Variants in STRN observed in about 807,000 individuals in gnomAD.
STRN encodes striatin, also known as protein phosphatase 2 regulatory subunit B'''alpha.
A neutral mutation model predicts 96.3 loss-of-function variants in STRN; 53 were observed. That is an observed-to-expected ratio of 0.55 (90% CI 0.44 to 0.69). STRN has a LOEUF of 0.69. Among genes scored for constraint, STRN ranks in the 30% least tolerant of loss-of-function variants. STRN has a pLI of 0.00. For missense variants in STRN, 987 were observed against 963.9 expected, an observed-to-expected ratio of 1.02 and a Z score of -0.32; for synonymous variants, 428 against 355.9, an observed-to-expected ratio of 1.20 and a Z score of -2.28.
chr2:36,927,506 A>G (rs1344374041), intron 1 of STRN, among the ~76,000 whole-genome samples: 3 of 123,416 alleles, frequency 2.4e-5, no homozygotes, highest in Non-Finnish European at 3.3e-5. Context: ...GAGACCCTAT[A>G]TCAAAAAAAC....
chr2:36,875,246 A>C (rs978676344), intron 10 of STRN, among the ~76,000 whole-genome samples: 1 of 152,196 alleles, frequency 6.6e-6, no homozygotes, highest in African/African-American at 2.4e-5. Context: ...ACGATGGCTC[A>C]TGCCTGTAAT....
rs141142091 is a variant in STRN at position 36,919,215 on chromosome 2, G to A, written c.339-3064C>T. Among the ~76,000 whole-genome samples, 296 of 152,256 alleles carry A rather than the reference G, an allele frequency of 1.9e-3. 4 individuals are homozygous for A. Among genetic ancestry groups the A allele is most frequent in the African/African-American group, 6.7e-3 (277 of 41,542 alleles). Reference sequence around the variant, plus strand: ...CTACAGCTTGTAGTTAGGTAAGGGTGGAAGGTGAGGGTATGCGTAAGAGAC... The same window carrying A: ...CTACAGCTTGTAGTTAGGTAAGGGTAGAAGGTGAGGGTATGCGTAAGAGAC... On this transcript the variant is annotated intron_variant, in intron 2 of 17. Coordinates refer to ENST00000263918, the MANE Select transcript of STRN (RefSeq NM_003162.4).
At chr2:36,944,560 C>T (rs1670931783) in intron 1 of STRN, among the ~76,000 whole-genome samples, 1 of 152,122 alleles carries the variant, frequency 6.6e-6, no homozygotes, top group African/African-American at 2.4e-5. Context: ...ATTTAACTTA[C>T]AAGTATAGAT....
At chr2:36,889,578 T>C (rs1237567049) in intron 7 of STRN, among the ~76,000 whole-genome samples, 1 of 123,374 alleles carries the variant, frequency 8.1e-6, no homozygotes, top group Non-Finnish European at 1.6e-5. Flanking sequence ...CTTGCCAGAA[T>C]CTAACCAGAT....
Position 36,906,868 on chromosome 2 carries a change from C to T in STRN, c.413-1250G>A, listed in dbSNP as rs562218792. Among the ~76,000 whole-genome samples, 19 of 151,930 alleles carry T rather than the reference C, an allele frequency of 1.3e-4. No individual in the cohort carries two copies. The East Asian group carries it at 2.3e-3, about 18-fold the overall frequency. ...CCCAAGAAGCGGAGGTTGCAGTGAG[C>T]CGAGATGATTGCGCCATTGCACTCC... On this transcript the variant is annotated intron_variant, in intron 3 of 17. Coordinates refer to ENST00000263918, the MANE Select transcript of STRN (RefSeq NM_003162.4).
chr2:36,893,322 C>T (rs1040728184), intron 7 of STRN, among the ~76,000 whole-genome samples: 1 of 151,848 alleles, frequency 6.6e-6, no homozygotes, highest in Non-Finnish European at 1.5e-5. Context: ...GTACTTTTAA[C>T]GATTTATGCA....
At chr2:36,897,513 G>A (rs938414502) in intron 6 of STRN, among the ~76,000 whole-genome samples, 6 of 151,570 alleles carry the variant, frequency 4.0e-5, no homozygotes, top group African/African-American at 7.3e-5. Flanking sequence ...TCAGCTCACT[G>A]CAAGCTCTGC....
At chr2:36,893,012 T>G (rs1009422897) in intron 7 of STRN, among the ~76,000 whole-genome samples, 2 of 151,334 alleles carry the variant, frequency 1.3e-5, no homozygotes, top group East Asian at 1.9e-4. Context: ...AGAGTGAGAC[T>G]CGGTATCAAA....
At chr2:36,864,003 T>C (rs1668560317) in intron 12 of STRN, among the ~76,000 whole-genome samples, 1 of 152,248 alleles carries the variant, frequency 6.6e-6, no homozygotes, top group African/African-American at 2.4e-5. Flanking sequence ...CATACATTGA[T>C]TTTATATCCA....
At chr2:36,930,716 G>A (rs928584741) in intron 1 of STRN, among the ~76,000 whole-genome samples, 1 of 151,986 alleles carries the variant, frequency 6.6e-6, no homozygotes, top group African/African-American at 2.4e-5. Context: ...GCAGGAAACA[G>A]TCTGTTAAGG....
chr2:36,910,173 CA>C (rs146718686), intron 3 of STRN, among the ~76,000 whole-genome samples: 1,640 of 112,828 alleles, frequency 0.015, 15 homozygotes, highest in African/African-American at 0.05. Flanking sequence ...GACTTTGTCT[CA>C]AAAAAAAAAA....
At chr2:36,904,458 G>C (rs1572662909) in intron 4 of STRN, among the ~76,000 whole-genome samples, 1 of 152,248 alleles carries the variant, frequency 6.6e-6, no homozygotes, top group African/African-American at 2.4e-5. Context: ...GGTGAGTCTA[G>C]TCTACCTCTT....
At position 36,953,926 on chromosome 2, in the gene STRN, T is replaced by G. The variant is rs1304574329; in HGVS notation, c.234+12304A>C. Among the ~76,000 whole-genome samples, 4 of 151,924 alleles carry G rather than the reference T, an allele frequency of 2.6e-5. No individual in the cohort carries two copies. In the East Asian group the frequency reaches 7.8e-4, roughly 30 times the overall value. On this transcript the variant is annotated intron_variant, in intron 1 of 17. Coordinates refer to ENST00000263918, the MANE Select transcript of STRN (RefSeq NM_003162.4). ...CAGGAGGATCAACTGAGCCCAGGAG[T>G]GTGAGGCTGCAGTGAACTATGATCA... is the stretch of plus-strand genomic sequence containing the variant.
intron 1 of STRN, 134 bp downstream of exon 1, chr2:36,966,096 G>T: frequency 9.5e-7 from 1 of 1,051,808 alleles, no homozygotes; most frequent in Non-Finnish European, 1.3e-6. Context: ...AAGGGGACGG[G>T]GCTCCGGGTG....
chr2:36,939,449 A>G (rs1670790785), intron 1 of STRN, among the ~76,000 whole-genome samples: 2 of 152,180 alleles, frequency 1.3e-5, no homozygotes, highest in Admixed American at 6.5e-5. Context: ...TTCGCATTAT[A>G]TATCTTAATT....
intron 3 of STRN, among the ~76,000 whole-genome samples, chr2:36,915,515 A>G (rs1479165026): frequency 6.6e-6 from 1 of 152,006 alleles, no homozygotes; most frequent in African/African-American, 2.4e-5. Context: ...TGGTATGAAG[A>G]AGTAGGAAAA....
At chr2:36,853,736 A>G (rs967936859) in intron 15 of STRN, among the ~76,000 whole-genome samples, 4 of 152,152 alleles carry the variant, frequency 2.6e-5, no homozygotes, top group Non-Finnish European at 2.9e-5. Flanking sequence ...TGGTCCTTTC[A>G]TTTTTTTAAA....
intron 2 of STRN, among the ~76,000 whole-genome samples, chr2:36,917,202 C>T (rs1670126814): frequency 6.6e-6 from 1 of 150,830 alleles, no homozygotes; most frequent in Admixed American, 6.6e-5. Context: ...TAATAGAGCA[C>T]TTACCGTTAG....
chr2:36,960,665 G>A (rs1049751730), intron 1 of STRN, among the ~76,000 whole-genome samples: 7 of 151,948 alleles, frequency 4.6e-5, no homozygotes, highest in African/African-American at 9.7e-5. Flanking sequence ...TCAGAATTAC[G>A]GCAAATATGT....
Sources: gnomAD v4.1 joint callset for allele counts (sites outside exome capture counted in the v4.1 genomes callset) on GRCh38, gnomAD v4.1.1 for gene constraint, MANE v1.5 for transcripts, NCBI Gene and HGNC (gene_info 2026-07-23, HGNC 2026-07-21) for gene names.